The following WDR55 variants were observed in gnomAD, a reference collection of about 807,000 sequenced individuals.
The protein encoded by WDR55 is WD repeat domain 55.
Under a neutral mutation model 34.0 loss-of-function variants are expected in WDR55, and 31 were observed. The observed-to-expected ratio is 0.91, with a 90% CI of 0.69 to 1.23. WDR55 has a LOEUF of 1.23. WDR55 is among the 50% of genes most tolerant of loss of function. The pLI is 0.00. For synonymous variants in WDR55, 164 were observed against 185.9 expected (o/e 0.88, Z 0.96); for missense variants, 440 against 494.6 (o/e 0.89, Z 1.05).
At position 140,664,990 on chromosome 5, in the gene WDR55, C is replaced by A. The variant is rs1271078643; in HGVS notation, c.78C>A (p.Thr26=). The change falls in exon 1 of 7, where the codon ACC becomes ACA. Residue 26 remains threonine, a synonymous_variant. Coordinates refer to ENST00000358337, the MANE Select transcript of WDR55 (RefSeq NM_017706.5). ...EEDPDSMEAP[T]RIRDTPEDIV... The stretch of plus-strand genomic sequence containing the variant: ...ACCCAGACTCCATGGAAGCCCCAAC[C>A]CGGATCCGGGACACTCCGGAAGACA... The A allele has an allele frequency of 2.5e-6, 4 of 1,613,850 alleles. No homozygotes were observed. In the South Asian group the frequency reaches 4.4e-5, roughly 18 times the overall value.
chr5:140,668,042 T>C, intron 1 of WDR55, 192 bp from the exon 2 acceptor site: 1 of 574,144 alleles, frequency 1.7e-6, no homozygotes, highest in South Asian at 2.7e-5. Flanking sequence ...CTAACATATA[T>C]TGAAAAAAGC....
At chr5:140,667,032 C>T (rs1757941256) in intron 1 of WDR55, 3 of 985,242 alleles carry the variant, frequency 3.0e-6, no homozygotes, top group Non-Finnish European at 3.6e-6. Flanking sequence ...TCTGTATTTT[C>T]ATCTTTGAAA....
rs1453221341 is a variant in WDR55, at chr5:140,668,308, C to CTG, written c.269_270dup (p.Ala91TrpfsTer22). 1.2e-6 allele frequency: 2 copies of CTG among 1,614,046 alleles called. No individual in the cohort carries two copies. Among genetic ancestry groups the CTG allele is most frequent in the Non-Finnish European group, 1.7e-6 (2 of 1,180,044 alleles). On this transcript the variant is annotated frameshift_variant, in exon 2 of 7. Coordinates refer to ENST00000358337, the MANE Select transcript of WDR55 (RefSeq NM_017706.5). LOFTEE classifies it high-confidence loss of function. ...GGTCACCATCTCAAGGCCTGCCGAGCTGTGGCCTTCTCTGAAGATGGGCAG... is the reference window on the plus strand; with the variant it reads ...GGTCACCATCTCAAGGCCTGCCGAGCTGTGTGGCCTTCTCTGAAGATGGGCAG...
Position 140,672,302 on chromosome 5 carries a change from T to A in WDR55, c.*2648T>A. 1.1e-6 allele frequency: 1 copy of A among 918,984 alleles called. No individual in the cohort carries two copies. The highest frequency in any genetic ancestry group is 1.6e-6 in the Non-Finnish European group (1 of 613,702). The allele number at this position is 918,984 out of a possible 1,614,324, so 56.9% of individuals were successfully genotyped here. A position where few individuals can be genotyped will look rare whatever the true frequency, so the allele number is the denominator to read the frequency against. ...GGTGGTGGTAGCACCATTGGAAGTT[T>A]TAAAAATCTGAGATCAAATAGTAAA... On this transcript the variant is annotated 3_prime_UTR_variant, in exon 7 of 7. Transcript: ENST00000358337.
Position 140,669,501 on chromosome 5 carries a change from T to A in WDR55, c.999T>A (p.Asp333Glu). 6.2e-7 allele frequency: 1 copy of A among 1,614,112 alleles called. No homozygotes were observed. Among genetic ancestry groups the A allele is most frequent in the Non-Finnish European group, 8.5e-7 (1 of 1,180,016 alleles). ...DMAQLRAVVV[D>E]DYRRRKKKGG... ...CCCAGCTGCGAGCTGTGGTGGTGGA[T>A]GACTACCGTCGGCGCAAAAAAAAGG... The change falls in exon 7 of 7, where the codon GAT (aspartate) becomes GAA (glutamate). Residue 333 changes from aspartate to glutamate, a missense_variant. By Grantham distance (45) the Asp-to-Glu change is conservative. Transcript: ENST00000358337.
At chr5:140,668,552 G>A (rs1369513028) in intron 3 of WDR55, 50 bp downstream of exon 3, 1 of 1,610,386 alleles carries the variant, frequency 6.2e-7, no homozygotes, top group Non-Finnish European at 8.5e-7. Flanking sequence ...GAAGGGTAAG[G>A]ACCAGGAGGT....
At chr5:140,666,414 C>G (rs924307528) in intron 1 of WDR55, among the ~76,000 whole-genome samples, 1 of 152,122 alleles carries the variant, frequency 6.6e-6, no homozygotes, top group African/African-American at 2.4e-5. Context: ...AATCTCGAAA[C>G]CTCAGCCCAT....
chr5:140,668,600 CTG>C lies in WDR55; in HGVS notation c.381-8_381-7del, dbSNP rs1465316379. On this transcript the variant is annotated splice_polypyrimidine_tract_variant and intron_variant, in intron 3 of 6. Coordinates refer to ENST00000358337, the MANE Select transcript of WDR55 (RefSeq NM_017706.5). ...AGAGATGCTCCAAGAAGTTCTACAT[CTG>C]TGTCTCTAGTGCCCCCATCAATAGT... The C allele has an allele frequency of 1.9e-6, 3 of 1,612,022 alleles. No homozygotes were observed. The Admixed American group carries it at 5.0e-5, about 27-fold the overall frequency.
rs773225093 is a variant in WDR55, at chr5:140,665,063, G to A, written c.151G>A (p.Asp51Asn). ...TGGGCTGGCGTTCCATCCGGCCCGT[G>A]ACCTACTGGCTGCAGGGGACGTGGA... ...ASGLAFHPAR[D>N]LLAAGDVDGD... Residue 51 changes from aspartate to asparagine, a missense_variant, in exon 1 of 7, where the codon GAC becomes AAC. Physicochemically the swap from Asp to Asn is conservative, Grantham distance 23. Coordinates refer to ENST00000358337, the MANE Select transcript of WDR55 (RefSeq NM_017706.5). 3 of 1,611,602 alleles carry A rather than the reference G, an allele frequency of 1.9e-6. No homozygotes were observed. In the African/African-American group the frequency reaches 4.0e-5, roughly 22 times the overall value.
rs1181773883 is a variant in WDR55 at position 140,670,853 on chromosome 5, C to T, written c.*1199C>T. The T allele has an allele frequency of 8.0e-6, 2 of 250,062 alleles. No individual in the cohort carries two copies. The highest frequency in any genetic ancestry group is 5.2e-5 in the South Asian group (1 of 19,186). 15.5% of individuals were successfully genotyped at this position (250,062 alleles called of 1,614,324 possible). A position where few individuals can be genotyped will look rare whatever the true frequency, so the allele number is the denominator to read the frequency against. On this transcript the variant is annotated 3_prime_UTR_variant, in exon 7 of 7. Transcript: ENST00000358337. The stretch of plus-strand genomic sequence containing the variant: ...CAGCATAGAAAGACCCAAAACTATA[C>T]AGAAACCAAAACCAGAATGCCATGT...
Position 140,671,255 on chromosome 5 carries a change from G to C in WDR55, c.*1601G>C. The C allele has an allele frequency of 1.2e-6, 2 of 1,610,058 alleles. No individual in the cohort carries two copies. Among genetic ancestry groups the C allele is most frequent in the East Asian group, 2.2e-5 (1 of 44,876 alleles). On this transcript the variant is annotated 3_prime_UTR_variant, in exon 7 of 7. Coordinates refer to ENST00000358337, the MANE Select transcript of WDR55 (RefSeq NM_017706.5). ...TGGGATGGGGCCTGACACAGGCTCT[G>C]CATGCCCATTCAGGGTGCCTGTGGA...
intron 1 of WDR55, chr5:140,667,607 C>G (rs2149811850): frequency 6.6e-6 from 1 of 152,314 alleles, no homozygotes; most frequent in African/African-American, 2.4e-5. Context: ...AATGAGCAGG[C>G]TCAGTTCTGC....
In WDR55 at chr5:140,669,521, A is replaced by G. The variant is rs545869090; in HGVS notation, c.1019A>G (p.Lys340Arg). ...GTGGATGACTACCGTCGGCGCAAAA[A>G]AAAGGGAGGACCACTGCGGGCTCTG... is the stretch of plus-strand genomic sequence containing the variant. ...VVVDDYRRRK[K>R]KGGPLRALSS... Residue 340 changes from lysine to arginine, a missense_variant, in exon 7 of 7, where the codon AAA (lysine) becomes AGA (arginine). Physicochemically the swap from Lys to Arg is conservative, Grantham distance 26. Transcript: ENST00000358337. The G allele has an allele frequency of 7.9e-5, 128 of 1,614,098 alleles. No homozygotes were observed. The South Asian group carries it at 1.3e-3, about 17-fold the overall frequency.
Position 140,671,740 on chromosome 5 carries a change from G to T in WDR55, c.*2086G>T. Reference sequence around the variant, plus strand: ...CCACAGCCACCTGCTCTCCACAGAGGTGTGACTGCCCTGTAGGAAAAATGC... The same window carrying T: ...CCACAGCCACCTGCTCTCCACAGAGTTGTGACTGCCCTGTAGGAAAAATGC... On this transcript the variant is annotated 3_prime_UTR_variant, in exon 7 of 7. Coordinates refer to ENST00000358337, the MANE Select transcript of WDR55 (RefSeq NM_017706.5). 6.4e-7 allele frequency: 1 copy of T among 1,573,598 alleles called. No homozygotes were observed. The highest frequency in any genetic ancestry group is 1.3e-5 in the African/African-American group (1 of 74,530).
chr5:140,671,775 G>A lies in WDR55; in HGVS notation c.*2121G>A. 6.4e-7 allele frequency: 1 copy of A among 1,555,174 alleles called. No homozygotes were observed. The highest frequency in any genetic ancestry group is 8.7e-7 in the Non-Finnish European group (1 of 1,148,682). ...CCTGTAGGAAAAATGCAAAGACAAG[G>A]GCAGGTCTAAACCCTGGGCCCAAGC... is the stretch of plus-strand genomic sequence containing the variant. On this transcript the variant is annotated 3_prime_UTR_variant, in exon 7 of 7. Coordinates refer to ENST00000358337, the MANE Select transcript of WDR55 (RefSeq NM_017706.5).
intron 1 of WDR55, among the ~76,000 whole-genome samples, chr5:140,665,638 T>TA (rs1260624397): frequency 6.6e-6 from 1 of 151,728 alleles, no homozygotes; most frequent in East Asian, 2.0e-4. Context: ...ATTACAGGCG[T>TA]AAACCACCGT....
At chr5:140,666,649 G>C (rs1757932376) in intron 1 of WDR55, 1 of 984,644 alleles carries the variant, frequency 1.0e-6, no homozygotes, top group African/African-American at 1.7e-5. Flanking sequence ...CTTCACTAAT[G>C]TTTTTCAAAC....
At chr5:140,665,431 T>A (rs2530247) in intron 1 of WDR55, among the ~76,000 whole-genome samples, 31,982 of 152,096 alleles carry the variant, frequency 0.21, 3,393 homozygotes, top group African/African-American at 0.22. Flanking sequence ...CGATCTGGGC[T>A]CACTGCAACC....
In WDR55 at chr5:140,668,681, C is replaced by G; in HGVS notation, c.450C>G (p.Ile150Met). ...CCACTGGGGATGACACAGGTGGTAT[C>G]TGTCTCTGGGACCAGCGGAAGGAGG... The part of the protein sequence containing the change: ...VLATGDDTGG[I>M]CLWDQRKEGP... The change falls in exon 4 of 7, where the codon ATC (isoleucine) becomes ATG (methionine). Residue 150 changes from isoleucine to methionine, a missense_variant. Ile to Met is a conservative substitution (Grantham distance 10). Transcript: ENST00000358337. The G allele has an allele frequency of 6.2e-7, 1 of 1,614,150 alleles. No homozygotes were observed. The highest frequency in any genetic ancestry group is 8.5e-7 in the Non-Finnish European group (1 of 1,180,016).
Sources: allele counts gnomAD v4.1 joint callset (sites outside exome capture counted in the v4.1 genomes callset), GRCh38; gene constraint gnomAD v4.1.1; transcripts MANE v1.5; gene names NCBI Gene and HGNC (gene_info 2026-07-23, HGNC 2026-07-21).